Variants in VPS13B observed in about 807,000 individuals in gnomAD.
VPS13B encodes vacuolar protein sorting 13 homolog B.
VPS13B carries 285 observed loss-of-function variants against 426.4 expected under a neutral mutation model. The observed-to-expected ratio is 0.67, with a 90% confidence interval of 0.61 to 0.74. The LOEUF (loss-of-function observed/expected upper bound fraction) is 0.74, where lower values mean the gene tolerates loss of function less well. VPS13B is among the 30% of genes least tolerant of loss of function. The pLI, the probability that VPS13B is intolerant of heterozygous loss-of-function variation, is 0.00. For missense variants in VPS13B, 4,537 were observed against 4,782.6 expected (o/e 0.95, Z 1.51); for synonymous variants, 1,676 against 1,676.4 (o/e 1.00, Z 0.01).
Position 99,784,324 on chromosome 8 carries a change from C to T in VPS13B, c.7789C>T (p.Pro2597Ser). 6.2e-7 allele frequency: 1 copy of T among 1,613,548 alleles called. No homozygotes were observed. Among genetic ancestry groups the T allele is most frequent in the Non-Finnish European group, 8.5e-7 (1 of 1,179,640 alleles). Residue 2597 changes from proline (P) to serine (S), a missense_variant, in exon 43 of 62, where the codon CCT (proline) becomes TCT (serine). Transcript: ENST00000357162. ...ATCCTTTTTCTTTCAGAACAAATGC[C>T]CTGAGGTAGAGGAGTTGGTCTTCAG... ...AIQAWQQNKC[P>S]EVEELVFSHF...
intron 36 of VPS13B, among the ~76,000 whole-genome samples, chr8:99,709,464 AG>A (rs1210460285): frequency 6.6e-6 from 1 of 152,202 alleles, no homozygotes; most frequent in Non-Finnish European, 1.5e-5. Context: ...TGTTCCTTGA[AG>A]TAAATTTTTA....
chr8:99,716,744 TA>T (rs1001288553), intron 36 of VPS13B, among the ~76,000 whole-genome samples: 5 of 152,120 alleles, frequency 3.3e-5, no homozygotes, highest in East Asian at 1.9e-4. Flanking sequence ...CATGGGCCAG[TA>T]AAAAACTTGA....
chr8:99,737,212 C>T (rs954365842), intron 39 of VPS13B, among the ~76,000 whole-genome samples: 1 of 146,496 alleles, frequency 6.8e-6, no homozygotes, highest in South Asian at 2.1e-4. Context: ...GCTCCGCCTC[C>T]CGGGTTCATG....
chr8:99,644,699 T>C (rs985280057), intron 34 of VPS13B, among the ~76,000 whole-genome samples: 9 of 152,240 alleles, frequency 5.9e-5, no homozygotes, highest in African/African-American at 2.2e-4. Flanking sequence ...CTCAGTAGTA[T>C]GACTCCTGGT....
Position 99,013,935 on chromosome 8 carries a change from G to A in VPS13B, c.147G>A (p.Gln49=). ...KLELKLDVLE[Q]ELKLPFTFLS... is the part of the protein sequence containing the mutation. ...AGTTAAAGTTGGATGTGCTGGAACA[G>A]GTAAGCTATTTAGCTGTCATTAACT... Residue 49 remains glutamine, a splice_region_variant and synonymous_variant, in exon 2 of 62, where the codon CAG becomes CAA. Transcript: ENST00000357162. 1 of 1,614,060 alleles carries A rather than the reference G, an allele frequency of 6.2e-7. No homozygotes were observed. Among genetic ancestry groups the A allele is most frequent in the East Asian group, 2.2e-5 (1 of 44,876 alleles).
intron 21 of VPS13B, among the ~76,000 whole-genome samples, chr8:99,430,463 A>G (rs1022283523): frequency 4.6e-5 from 7 of 152,206 alleles, no homozygotes; most frequent in Non-Finnish European, 1.0e-4. Flanking sequence ...GCTGTATTAT[A>G]TAAATGTATC....
chr8:99,845,055 C>T (rs1422836340), intron 54 of VPS13B, among the ~76,000 whole-genome samples: 3 of 152,174 alleles, frequency 2.0e-5, no homozygotes, highest in African/African-American at 7.2e-5. Context: ...TACTGAATAT[C>T]TTACCACTTC....
At chr8:99,586,273 G>T (rs1826296872) in intron 33 of VPS13B, among the ~76,000 whole-genome samples, 1 of 152,104 alleles carries the variant, frequency 6.6e-6, no homozygotes, top group Non-Finnish European at 1.5e-5. Context: ...AAATCCACAT[G>T]ATTTTTCTGA....
chr8:99,844,589 C>T (rs1815881827), intron 54 of VPS13B, among the ~76,000 whole-genome samples: 1 of 152,036 alleles, frequency 6.6e-6, no homozygotes, highest in African/African-American at 2.4e-5. Context: ...AGGCTGGTCC[C>T]GAACTCCTGA....
chr8:99,291,797 C>A (rs1172074320), intron 19 of VPS13B, among the ~76,000 whole-genome samples: 2 of 151,986 alleles, frequency 1.3e-5, no homozygotes, highest in African/African-American at 4.8e-5. Flanking sequence ...TTTAGCATTG[C>A]AAATATTTTC....
chr8:99,089,234 A>G (rs1269867066), intron 3 of VPS13B, among the ~76,000 whole-genome samples: 1 of 152,120 alleles, frequency 6.6e-6, no homozygotes, highest in East Asian at 1.9e-4. Context: ...TATGAACATA[A>G]TGTCTTTAGC....
chr8:99,415,899 C>T (rs1412990515), intron 21 of VPS13B, among the ~76,000 whole-genome samples: 1 of 152,122 alleles, frequency 6.6e-6, no homozygotes, highest in African/African-American at 2.4e-5. Context: ...GGGTCGGGGA[C>T]CCACTTGAGG....
chr8:99,446,888 C>G (rs1294708940), intron 23 of VPS13B, among the ~76,000 whole-genome samples: 1 of 152,116 alleles, frequency 6.6e-6, no homozygotes, highest in African/African-American at 2.4e-5. Context: ...AATTAGTTTT[C>G]CTGTTTTTGA....
chr8:99,722,132 C>G (rs1008637428), intron 39 of VPS13B, among the ~76,000 whole-genome samples: 1 of 152,180 alleles, frequency 6.6e-6, no homozygotes, highest in African/African-American at 2.4e-5. Flanking sequence ...GATCCTTTAG[C>G]CACTCTGGCC....
At chr8:99,181,005 T>TA (rs1812918540) in intron 16 of VPS13B, among the ~76,000 whole-genome samples, 1 of 152,218 alleles carries the variant, frequency 6.6e-6, no homozygotes, top group Non-Finnish European at 1.5e-5. Flanking sequence ...ACAGCTTGAC[T>TA]ATATCCATCA....
chr8:99,661,602 A>AT (rs1830226223), intron 35 of VPS13B, 111 bp downstream of exon 35: 7 of 1,351,242 alleles, frequency 5.2e-6, no homozygotes, highest in Non-Finnish European at 7.1e-6. Flanking sequence ...TGAATAGTTC[A>AT]TTTTTTCCCA....
intron 35 of VPS13B, among the ~76,000 whole-genome samples, chr8:99,681,437 G>A (rs1831151352): frequency 6.6e-6 from 1 of 152,154 alleles, no homozygotes; most frequent in Non-Finnish European, 1.5e-5. Flanking sequence ...CCAGGGTGAG[G>A]GACTTTGTGG....
intron 2 of VPS13B, among the ~76,000 whole-genome samples, chr8:99,019,011 C>CTTATAAGTGATACTTA (rs1474402984): frequency 1.3e-5 from 2 of 152,116 alleles, no homozygotes; most frequent in African/African-American, 4.8e-5. Context: ...ATAAGTGATA[C>CTTATAAGTGATACTTA]TAGCCTATGA....
rs886449305 is a variant in VPS13B, at chr8:99,502,818, G to A, written c.4043-18G>A. The A allele has an allele frequency of 1.3e-6, 2 of 1,538,470 alleles. No individual in the cohort carries two copies. The highest frequency in any genetic ancestry group is 3.3e-5 in the Admixed American group (2 of 59,896). The stretch of plus-strand genomic sequence containing the variant: ...TTGTGAAGACTGTGTTGATATTACT[G>A]CTTGTTTCTTATTGCAGAGGTTTGT... On this transcript the variant is annotated intron_variant, in intron 26 of 61. Transcript: ENST00000357162.
Sources: gnomAD v4.1 joint callset for allele counts (sites outside exome capture counted in the v4.1 genomes callset) on GRCh38, gnomAD v4.1.1 for gene constraint, MANE v1.5 for transcripts, NCBI Gene and HGNC (gene_info 2026-07-23, HGNC 2026-07-21) for gene names.